Variants in DENND1A observed in about 807,000 individuals in gnomAD.
DENND1A encodes the protein DENN domain-containing protein 1A.
DENND1A carries 51 observed loss-of-function variants against 113.7 expected under a neutral mutation model. The observed-to-expected ratio is 0.45, with a 90% confidence interval of 0.36 to 0.57. The LOEUF (loss-of-function observed/expected upper bound fraction) is 0.57. Ranked by LOEUF, DENND1A falls within the 20% of genes least tolerant of loss-of-function variation. DENND1A has a pLI of 0.00. For missense variants in DENND1A, 1,258 were observed against 1,395.9 expected, an observed-to-expected ratio of 0.90 and a Z score of 1.57; for synonymous variants, 565 against 570.8, an observed-to-expected ratio of 0.99 and a Z score of 0.14.
rs544586504 is a variant in DENND1A, at chr9:123,842,021, T to C, written c.88+36930A>G. ...AAACAGGTTGAGAGCTCAGAAGAAA[T>C]GTTTCATACCTCATTCATTTATTCA... On this transcript the variant is annotated intron_variant, in intron 2 of 23. Transcript: ENST00000394215. 3.9e-5 allele frequency among the ~76,000 whole-genome samples: 6 copies of C among 152,294 alleles called. No individual in the cohort carries two copies. In the East Asian group the frequency reaches 1.2e-3, roughly 29 times the overall value.
At chr9:123,726,403 C>T (rs2067709274) in intron 5 of DENND1A, among the ~76,000 whole-genome samples, 1 of 152,206 alleles carries the variant, frequency 6.6e-6, no homozygotes, top group Admixed American at 6.5e-5. Context: ...CACCACACTC[C>T]ATGCTGCCTC....
chr9:123,403,325 C>G (rs1470684090), intron 21 of DENND1A, 77 bp downstream of exon 21: 1 of 1,494,276 alleles, frequency 6.7e-7, no homozygotes, highest in Non-Finnish European at 9.2e-7. Context: ...GCCGGGGCTA[C>G]ACGCTTGGGC....
chr9:123,685,389 A>C (rs2064746094), intron 5 of DENND1A, among the ~76,000 whole-genome samples: 1 of 152,232 alleles, frequency 6.6e-6, no homozygotes, highest in Non-Finnish European at 1.5e-5. Context: ...GTCCATAATT[A>C]ATGTCCCATT....
chr9:123,851,550 A>T (rs1276104608), intron 2 of DENND1A, among the ~76,000 whole-genome samples: 1 of 152,170 alleles, frequency 6.6e-6, no homozygotes, highest in Non-Finnish European at 1.5e-5. Context: ...CCTCCAAAAG[A>T]CCTAAGGTGG....
intron 11 of DENND1A, among the ~76,000 whole-genome samples, chr9:123,588,628 A>AG (rs1350302686): frequency 1.6e-5 from 2 of 124,480 alleles, no homozygotes; most frequent in African/African-American, 6.0e-5. Flanking sequence ...CTCAAAAAAA[A>AG]AAAAAGGGGG....
chr9:123,550,371 A>G (rs2056965332), intron 13 of DENND1A, among the ~76,000 whole-genome samples: 1 of 152,246 alleles, frequency 6.6e-6, no homozygotes, highest in Non-Finnish European at 1.5e-5. Context: ...AGAGGGCCAC[A>G]CAAGCTAGCT....
At chr9:123,533,283 A>G (rs781276021) in intron 13 of DENND1A, among the ~76,000 whole-genome samples, 1 of 152,132 alleles carries the variant, frequency 6.6e-6, no homozygotes, top group Non-Finnish European at 1.5e-5. Flanking sequence ...CTTTTACTCT[A>G]TTTTCATGGT....
chr9:123,584,340 C>T (rs2059062347), intron 11 of DENND1A, among the ~76,000 whole-genome samples: 1 of 152,258 alleles, frequency 6.6e-6, no homozygotes, highest in Non-Finnish European at 1.5e-5. Flanking sequence ...TGGTCAACCT[C>T]TGAGCATGCT....
At chr9:123,620,880 T>C (rs1311823907) in intron 10 of DENND1A, among the ~76,000 whole-genome samples, 3 of 152,128 alleles carry the variant, frequency 2.0e-5, no homozygotes, top group Non-Finnish European at 2.9e-5. Flanking sequence ...CTCCATATCT[T>C]GACTGGATGC....
chr9:123,757,597 G>GAT (rs2070677801), intron 5 of DENND1A, 106 bp downstream of exon 5: 1 of 1,504,666 alleles, frequency 6.6e-7, no homozygotes, highest in Admixed American at 1.9e-5. Context: ...GTGGGAAACA[G>GAT]ATAGGAAAAT....
At chr9:123,855,512 GC>G (rs1484114021) in intron 2 of DENND1A, among the ~76,000 whole-genome samples, 1 of 152,176 alleles carries the variant, frequency 6.6e-6, no homozygotes, top group Admixed American at 6.5e-5. Flanking sequence ...AAGTGGCTCA[GC>G]TAGTGCAGAA....
chr9:123,912,773 AC>A (rs1286727619), intron 1 of DENND1A, among the ~76,000 whole-genome samples: 1 of 152,138 alleles, frequency 6.6e-6, no homozygotes, highest in Non-Finnish European at 1.5e-5. Flanking sequence ...TCCCACGTCC[AC>A]TTGGATCATG....
rs116766932 is a variant in DENND1A at position 123,479,537 on chromosome 9, G to A, written c.994-21640C>T. On this transcript the variant is annotated intron_variant, in intron 13 of 23. Coordinates refer to ENST00000394215, the MANE Select transcript of DENND1A (RefSeq NM_001352964.2). ...CTGGAATTCCTGTAGTTTTCAGCCC[G>A]TTTGACCTGTGAGGTCTGAAGTGAC... 7.7e-3 allele frequency among the ~76,000 whole-genome samples: 1,179 copies of A among 152,298 alleles called. 17 individuals are homozygous for A. Among genetic ancestry groups the A allele is most frequent in the African/African-American group, 0.027 (1,103 of 41,556 alleles).
At chr9:123,766,365 C>T (rs1828815221) in intron 4 of DENND1A, among the ~76,000 whole-genome samples, 1 of 152,124 alleles carries the variant, frequency 6.6e-6, no homozygotes, top group Non-Finnish European at 1.5e-5. Flanking sequence ...AAGTCTGAGA[C>T]CATTTCCGTT....
At chr9:123,556,301 C>T (rs890449472) in intron 13 of DENND1A, among the ~76,000 whole-genome samples, 6 of 152,156 alleles carry the variant, frequency 3.9e-5, no homozygotes, top group East Asian at 1.9e-4. Flanking sequence ...GGGGTTAGGA[C>T]GCTGCTCCCT....
chr9:123,868,825 G>C (rs905880098), intron 2 of DENND1A, among the ~76,000 whole-genome samples: 2 of 152,164 alleles, frequency 1.3e-5, no homozygotes, highest in Non-Finnish European at 2.9e-5. Context: ...ATTAAGAAAA[G>C]AAAATATATG....
chr9:123,606,124 G>A (rs192877729), intron 11 of DENND1A, among the ~76,000 whole-genome samples: 4 of 152,236 alleles, frequency 2.6e-5, no homozygotes, highest in Admixed American at 6.5e-5. Context: ...GGGTACAATC[G>A]AACTAGATAA....
chr9:123,602,187 T>C (rs1050099350), intron 11 of DENND1A, among the ~76,000 whole-genome samples: 1 of 152,212 alleles, frequency 6.6e-6, no homozygotes, highest in Admixed American at 6.5e-5. Flanking sequence ...TGTTTGCATA[T>C]AACCAATGCA....
intron 21 of DENND1A, among the ~76,000 whole-genome samples, chr9:123,393,434 T>C (rs2042955304): frequency 6.6e-6 from 1 of 151,992 alleles, no homozygotes; most frequent in South Asian, 2.1e-4. Context: ...AGCAAAGGAA[T>C]CTCTGAAGTT....
Sources: allele counts gnomAD v4.1 joint callset (sites outside exome capture counted in the v4.1 genomes callset), GRCh38; gene constraint gnomAD v4.1.1; transcripts MANE v1.5; gene names NCBI Gene and HGNC (gene_info 2026-07-23, HGNC 2026-07-21).